The following AUTS2 variants were observed in gnomAD, a reference collection of about 807,000 sequenced individuals.
The protein encoded by AUTS2 is autism susceptibility gene 2 protein.
A neutral mutation model predicts 112.4 loss-of-function variants in AUTS2; 17 were observed. The ratio of observed to expected loss-of-function variants is 0.15; its 90% CI spans 0.10 to 0.23. AUTS2 has a LOEUF of 0.23. Among genes scored for constraint, AUTS2 ranks in the 10% least tolerant of loss-of-function variants. The pLI, the probability that AUTS2 is intolerant of heterozygous loss-of-function variation, is 1.00. For missense variants in AUTS2, 1,510 were observed against 1,701.6 expected (o/e 0.89, Z 1.98); for synonymous variants, 751 against 702.7 (o/e 1.07, Z -1.09).
intron 5 of AUTS2, among the ~76,000 whole-genome samples, chr7:70,627,589 A>G (rs577729557): frequency 3.3e-5 from 5 of 152,292 alleles, no homozygotes; most frequent in Admixed American, 1.3e-4. Context: ...ACTCAATCAC[A>G]ATTTGCTCTA....
chr7:69,824,274 A>G (rs1266261155), intron 1 of AUTS2, among the ~76,000 whole-genome samples: 3 of 151,986 alleles, frequency 2.0e-5, no homozygotes, highest in African/African-American at 4.8e-5. Flanking sequence ...TTAGTCGGGC[A>G]TGGTGGCACC....
At chr7:69,904,977 C>G (rs966947747) in intron 2 of AUTS2, among the ~76,000 whole-genome samples, 1 of 152,094 alleles carries the variant, frequency 6.6e-6, no homozygotes, top group Non-Finnish European at 1.5e-5. Context: ...GAATTACTCA[C>G]GTATTGTATT....
At chr7:70,499,392 G>A (rs1798685866) in intron 5 of AUTS2, among the ~76,000 whole-genome samples, 1 of 152,224 alleles carries the variant, frequency 6.6e-6, no homozygotes, top group Non-Finnish European at 1.5e-5. Context: ...GACAGGCAAA[G>A]CCCCACCCAG....
intron 1 of AUTS2, among the ~76,000 whole-genome samples, chr7:69,658,924 T>C (rs541962108): frequency 6.6e-6 from 1 of 152,366 alleles, no homozygotes; most frequent in East Asian, 1.9e-4. Context: ...TAAATTATTA[T>C]GCTTTTGCTA....
At chr7:70,113,051 T>C (rs1805166533) in intron 2 of AUTS2, among the ~76,000 whole-genome samples, 2 of 152,168 alleles carry the variant, frequency 1.3e-5, no homozygotes, top group Non-Finnish European at 2.9e-5. Context: ...AAACACTTTC[T>C]CTAGCTGTTG....
intron 4 of AUTS2, among the ~76,000 whole-genome samples, chr7:70,424,975 C>T (rs1267020600): frequency 6.6e-6 from 1 of 152,198 alleles, no homozygotes; most frequent in East Asian, 1.9e-4. Flanking sequence ...AGGAACCCTG[C>T]AAGATGTGAA....
intron 5 of AUTS2, among the ~76,000 whole-genome samples, chr7:70,501,989 C>T (rs1798788420): frequency 1.3e-5 from 2 of 152,198 alleles, no homozygotes; most frequent in Admixed American, 6.5e-5. Context: ...CCCTCCCACC[C>T]AGCCAGGCTG....
At chr7:70,500,049 T>A (rs1209283209) in intron 5 of AUTS2, among the ~76,000 whole-genome samples, 1 of 152,136 alleles carries the variant, frequency 6.6e-6, no homozygotes, top group Non-Finnish European at 1.5e-5. Flanking sequence ...TGAGTGTATA[T>A]GTTTTACAGT....
chr7:70,042,644 G>A (rs1483670742), intron 2 of AUTS2, among the ~76,000 whole-genome samples: 1 of 152,172 alleles, frequency 6.6e-6, no homozygotes, highest in Non-Finnish European at 1.5e-5. Flanking sequence ...AGATGGCACT[G>A]TTTAGTTCTA....
intron 2 of AUTS2, among the ~76,000 whole-genome samples, chr7:70,096,934 C>A (rs1336633353): frequency 6.6e-6 from 1 of 152,166 alleles, no homozygotes; most frequent in Non-Finnish European, 1.5e-5. Flanking sequence ...TGATATTGGG[C>A]AGCATTTACA....
At chr7:70,624,697 A>G (rs1804846785) in intron 5 of AUTS2, among the ~76,000 whole-genome samples, 1 of 152,186 alleles carries the variant, frequency 6.6e-6, no homozygotes. Context: ...GATGTAAGGT[A>G]GAGAAACACT....
chr7:69,608,103 T>C (rs892838940), intron 1 of AUTS2, among the ~76,000 whole-genome samples: 1 of 152,024 alleles, frequency 6.6e-6, no homozygotes, highest in African/African-American at 2.4e-5. Flanking sequence ...CCCAGCTAAT[T>C]ATGTATTTTT....
At chr7:69,607,016 C>G (rs1041511199) in intron 1 of AUTS2, among the ~76,000 whole-genome samples, 2 of 152,148 alleles carry the variant, frequency 1.3e-5, no homozygotes, top group African/African-American at 4.8e-5. Flanking sequence ...TGTTGGTATG[C>G]AATTAATACA....
At chr7:69,885,218 C>T (rs925628835) in intron 1 of AUTS2, among the ~76,000 whole-genome samples, 1 of 152,082 alleles carries the variant, frequency 6.6e-6, no homozygotes, top group East Asian at 1.9e-4. Context: ...CATCATTATT[C>T]ATTAATATTT....
intron 1 of AUTS2, among the ~76,000 whole-genome samples, chr7:69,778,246 ATTTTTT>A (rs67736075): frequency 7.8e-6 from 1 of 128,140 alleles, no homozygotes; most frequent in Non-Finnish European, 1.7e-5. Flanking sequence ...ATATATATAT[ATTTTTT>A]TTTTTTTTTA....
intron 1 of AUTS2, among the ~76,000 whole-genome samples, chr7:69,776,107 A>C (rs970968056): frequency 2.0e-5 from 3 of 152,158 alleles, no homozygotes; most frequent in Non-Finnish European, 4.4e-5. Context: ...GGTTATCGTC[A>C]TCATATGACT....
intron 5 of AUTS2, among the ~76,000 whole-genome samples, chr7:70,476,765 T>C (rs894564452): frequency 2.0e-5 from 3 of 152,154 alleles, no homozygotes; most frequent in African/African-American, 7.2e-5. Flanking sequence ...ATAAAATGAG[T>C]GGGGTAATAC....
chr7:70,042,866 A>G (rs1236636313), intron 2 of AUTS2, among the ~76,000 whole-genome samples: 2 of 152,132 alleles, frequency 1.3e-5, no homozygotes, highest in Non-Finnish European at 1.5e-5. Flanking sequence ...AGAAACCTAC[A>G]TGCTTCTTAT....
At chr7:70,652,981 G>A (rs1222855426) in intron 5 of AUTS2, among the ~76,000 whole-genome samples, 2 of 152,114 alleles carry the variant, frequency 1.3e-5, no homozygotes, top group Non-Finnish European at 2.9e-5. Context: ...AAGCCCAGGT[G>A]TGGTGGCTCA....
Sources: allele counts gnomAD v4.1 joint callset (sites outside exome capture counted in the v4.1 genomes callset), GRCh38; gene constraint gnomAD v4.1.1; transcripts MANE v1.5; gene names NCBI Gene and HGNC (gene_info 2026-07-23, HGNC 2026-07-21).